LTBP1: variants seen among roughly 807,000 people sequenced by gnomAD.
LTBP1 encodes latent transforming growth factor beta binding protein 1, also known as latent-transforming growth factor beta-binding protein 1.
A neutral mutation model predicts 207.6 loss-of-function variants in LTBP1; 129 were observed. That is an observed-to-expected ratio of 0.62 (90% CI 0.54 to 0.72). The LOEUF is 0.72. LTBP1 is among the 30% of genes least tolerant of loss of function. The pLI is 0.00. For synonymous variants in LTBP1, 963 were observed against 833.7 expected (o/e 1.16, Z -2.67); for missense variants, 2,281 against 2,217.2 (o/e 1.03, Z -0.58).
intron 9 of LTBP1, among the ~76,000 whole-genome samples, chr2:33,226,690 A>G (rs2091455965): frequency 6.6e-6 from 1 of 152,212 alleles, no homozygotes; most frequent in Admixed American, 6.5e-5. Context: ...ACCACGTAAG[A>G]TAACTTCTGG....
chr2:33,372,015 C>T (rs771033135), intron 31 of LTBP1, among the ~76,000 whole-genome samples: 15 of 152,222 alleles, frequency 9.9e-5, no homozygotes, highest in East Asian at 3.9e-4. Context: ...AGAAATCGAT[C>T]GTATATATAA....
chr2:33,139,123 G>T (rs2082423067), intron 5 of LTBP1, among the ~76,000 whole-genome samples: 1 of 152,062 alleles, frequency 6.6e-6, no homozygotes, highest in Non-Finnish European at 1.5e-5. Context: ...CTCCCAAAGT[G>T]CTGGGATTAC....
rs781746951 is a variant in LTBP1, at chr2:33,187,085, G to C, written c.1426+5G>C. The C allele has an allele frequency of 4.3e-5, 70 of 1,612,350 alleles. No homozygotes were observed. Among genetic ancestry groups the C allele is most frequent in the Admixed American group, 1.0e-4 (6 of 59,976 alleles). Reference sequence around the variant, plus strand: ...CTAGCCAGCAAGGAGTCAAAGGTAAGCTTTTTTCATTCCGCCCATTTGCCA... The same window carrying C: ...CTAGCCAGCAAGGAGTCAAAGGTAACCTTTTTTCATTCCGCCCATTTGCCA... On this transcript the variant is annotated splice_donor_5th_base_variant and intron_variant, in intron 6 of 33. Coordinates refer to ENST00000404816, the MANE Select transcript of LTBP1 (RefSeq NM_206943.4).
intron 3 of LTBP1, among the ~76,000 whole-genome samples, chr2:33,065,983 T>C (rs2077489427): frequency 6.6e-6 from 1 of 152,216 alleles, no homozygotes; most frequent in Non-Finnish European, 1.5e-5. Context: ...AGTAGTAGTT[T>C]ATGGCTGTTT....
At chr2:33,227,998 G>C (rs1337373195) in intron 9 of LTBP1, among the ~76,000 whole-genome samples, 1 of 151,688 alleles carries the variant, frequency 6.6e-6, no homozygotes, top group Non-Finnish European at 1.5e-5. Flanking sequence ...GTAGAGACGG[G>C]GTTTCACTGT....
At chr2:33,103,624 T>A (rs1003422716) in intron 3 of LTBP1, among the ~76,000 whole-genome samples, 6 of 140,292 alleles carry the variant, frequency 4.3e-5, no homozygotes, top group African/African-American at 1.5e-4. Flanking sequence ...TGTGTGTGTG[T>A]GTGAGTGTTA....
At chr2:33,364,450 G>GAT (rs1248487420) in intron 30 of LTBP1, 94 bp downstream of exon 30, 1 of 1,243,422 alleles carries the variant, frequency 8.0e-7, no homozygotes, top group African/African-American at 1.5e-5. Context: ...TAGAAAAATG[G>GAT]ATTCCTTGGG....
At chr2:32,978,386 A>G (rs752176917) in intron 2 of LTBP1, among the ~76,000 whole-genome samples, 4 of 152,102 alleles carry the variant, frequency 2.6e-5, no homozygotes, top group Non-Finnish European at 5.9e-5. Flanking sequence ...TTCTATACCC[A>G]GTTGTTTGAG....
At chr2:33,367,418 T>C (rs562704060) in intron 31 of LTBP1, among the ~76,000 whole-genome samples, 1 of 152,140 alleles carries the variant, frequency 6.6e-6, no homozygotes, top group Admixed American at 6.5e-5. Flanking sequence ...TCCATAGTGG[T>C]AAATAAAGTC....
At chr2:32,998,245 C>T (rs563809296) in intron 2 of LTBP1, among the ~76,000 whole-genome samples, 1 of 152,148 alleles carries the variant, frequency 6.6e-6, no homozygotes, top group African/African-American at 2.4e-5. Flanking sequence ...TGGCTGAGCA[C>T]GGTGGCTCAC....
intron 3 of LTBP1, among the ~76,000 whole-genome samples, chr2:33,064,362 A>T (rs1433173269): frequency 1.3e-5 from 2 of 152,202 alleles, no homozygotes; most frequent in Admixed American, 6.5e-5. Flanking sequence ...CAGGCTAAAA[A>T]GTTAGCCTCC....
intron 7 of LTBP1, among the ~76,000 whole-genome samples, chr2:33,209,302 G>A (rs935411394): frequency 2.6e-5 from 4 of 152,100 alleles, no homozygotes; most frequent in Non-Finnish European, 2.9e-5. Flanking sequence ...TTAGAGAGTC[G>A]CATGCTGTGT....
At chr2:33,122,377 A>C (rs1191611685) in intron 4 of LTBP1, among the ~76,000 whole-genome samples, 1 of 152,212 alleles carries the variant, frequency 6.6e-6, no homozygotes, top group Admixed American at 6.5e-5. Flanking sequence ...GTAATCAGAC[A>C]GGTTACCTTT....
Position 33,309,462 on chromosome 2 carries a change from T to G in LTBP1, c.3510T>G (p.Ser1170Arg), listed in dbSNP as rs755146136. Residue 1170 changes from serine (S) to arginine (R), a missense_variant, in exon 23 of 34, where the codon AGT (serine) becomes AGG (arginine). By Grantham distance (110) the Ser-to-Arg change is moderately radical. Around this residue, in one of 3 missense-constraint regions of LTBP1, gnomAD observed 1,671 missense variants for 1,634.8 expected, o/e 1.02. Transcript: ENST00000404816. ...EDINECLEDK[S>R]VCQRGDCINT... is the part of the protein sequence containing the mutation. Reference sequence around the variant, plus strand: ...TCAATGAATGCTTGGAGGACAAGAGTGTTTGCCAGAGAGGAGACTGCATTA... The same window carrying G: ...TCAATGAATGCTTGGAGGACAAGAGGGTTTGCCAGAGAGGAGACTGCATTA... 1 of 1,608,388 alleles carries G rather than the reference T, an allele frequency of 6.2e-7. No homozygotes were observed. Among genetic ancestry groups the G allele is most frequent in the South Asian group, 1.1e-5 (1 of 89,450 alleles).
rs749711402 is a variant in LTBP1 at position 33,307,779 on chromosome 2, C to G, written c.3482-1655C>G. ...TGTTTTATGTTTTAGGGTCAGTACC[C>G]GGAAGCATTTTAATTCTGGGTGAAC... On this transcript the variant is annotated intron_variant, in intron 22 of 33. Coordinates refer to ENST00000404816, the MANE Select transcript of LTBP1 (RefSeq NM_206943.4). Among the ~76,000 whole-genome samples the G allele has an allele frequency of 8.5e-5, 13 of 152,280 alleles. No individual in the cohort carries two copies. In the East Asian group the frequency reaches 2.5e-3, roughly 29 times the overall value.
intron 3 of LTBP1, among the ~76,000 whole-genome samples, chr2:33,071,029 C>G (rs181850629): frequency 6.6e-6 from 1 of 152,318 alleles, no homozygotes; most frequent in East Asian, 1.9e-4. Flanking sequence ...CATACATGAT[C>G]TGGCCACAGC....
At chr2:33,245,696 G>C (rs1573399647) in intron 10 of LTBP1, among the ~76,000 whole-genome samples, 1 of 152,090 alleles carries the variant, frequency 6.6e-6, no homozygotes, top group Admixed American at 6.5e-5. Context: ...ATAACTTAGG[G>C]GATCATTTTT....
chr2:33,018,443 G>A (rs1573117245), intron 2 of LTBP1, among the ~76,000 whole-genome samples: 1 of 152,268 alleles, frequency 6.6e-6, no homozygotes, highest in East Asian at 1.9e-4. Context: ...CTAATTGAAA[G>A]CATGATGAGA....
intron 3 of LTBP1, among the ~76,000 whole-genome samples, chr2:33,078,884 G>T (rs1239589117): frequency 3.1e-5 from 2 of 64,612 alleles, no homozygotes; most frequent in African/African-American, 4.0e-5. Flanking sequence ...TTTTGAGACA[G>T]AGTCTCGCTC....
Sources: allele counts gnomAD v4.1 joint callset (sites outside exome capture counted in the v4.1 genomes callset), GRCh38; gene constraint gnomAD v4.1.1; regional missense constraint gnomAD v4.1.1; transcripts MANE v1.5; gene names NCBI Gene and HGNC (gene_info 2026-07-23, HGNC 2026-07-21).